The following ERC2 variants were observed in gnomAD, a reference collection of about 807,000 sequenced individuals.
ERC2 encodes ELKS/RAB6-interacting/CAST family member 2.
Under a neutral mutation model 114.8 loss-of-function variants are expected in ERC2, and 42 were observed. The ratio of observed to expected loss-of-function variants is 0.37; its 90% CI spans 0.29 to 0.47. The LOEUF (loss-of-function observed/expected upper bound fraction) is 0.47, where lower values mean the gene tolerates loss of function less well. Ranked by LOEUF, ERC2 falls within the 20% of genes least tolerant of loss-of-function variation. ERC2 has a pLI of 0.99. For missense variants in ERC2, 939 were observed against 1,150.7 expected, an observed-to-expected ratio of 0.82 and a Z score of 2.66; for synonymous variants, 454 against 425.5, an observed-to-expected ratio of 1.07 and a Z score of -0.82.
At chr3:56,380,605 AC>A (rs2059712226) in intron 2 of ERC2, among the ~76,000 whole-genome samples, 1 of 152,224 alleles carries the variant, frequency 6.6e-6, no homozygotes. Context: ...AAGCCTGAAT[AC>A]ATACTTATGG....
chr3:55,631,415 G>T (rs1026547082), intron 17 of ERC2, among the ~76,000 whole-genome samples: 5 of 152,160 alleles, frequency 3.3e-5, no homozygotes, highest in African/African-American at 1.2e-4. Context: ...CCAGGAGATT[G>T]CCCTTGGAGG....
At chr3:55,775,397 T>C (rs1382798655) in intron 14 of ERC2, among the ~76,000 whole-genome samples, 1 of 151,936 alleles carries the variant, frequency 6.6e-6, no homozygotes, top group Non-Finnish European at 1.5e-5. Context: ...CCTGGCGCGG[T>C]TGTGCATGCC....
chr3:56,066,623 T>G (rs2076495029), intron 7 of ERC2, among the ~76,000 whole-genome samples: 1 of 152,242 alleles, frequency 6.6e-6, no homozygotes, highest in African/African-American at 2.4e-5. Context: ...CATAAAATCT[T>G]TGTCCATGCC....
chr3:55,555,248 C>T (rs529977469), intron 17 of ERC2, among the ~76,000 whole-genome samples: 12 of 152,310 alleles, frequency 7.9e-5, no homozygotes, highest in South Asian at 6.2e-4. Flanking sequence ...GGGAAATTCT[C>T]GTTTAATTCA....
At chr3:55,959,763 G>A (rs1029425249) in intron 12 of ERC2, among the ~76,000 whole-genome samples, 1 of 152,186 alleles carries the variant, frequency 6.6e-6, no homozygotes, top group Non-Finnish European at 1.5e-5. Context: ...CCCTGGGATG[G>A]TTATTTTTCA....
At chr3:55,701,512 T>C (rs1039680614) in intron 15 of ERC2, among the ~76,000 whole-genome samples, 6 of 152,144 alleles carry the variant, frequency 3.9e-5, no homozygotes, top group Admixed American at 3.9e-4. Context: ...TTTTTAAAAA[T>C]GTGTACAATA....
chr3:55,991,999 G>A (rs2071097904), intron 11 of ERC2, 58 bp downstream of exon 11: 28 of 1,501,478 alleles, frequency 1.9e-5, no homozygotes, highest in Non-Finnish European at 2.6e-5. Context: ...CCGGAGATGG[G>A]CAACCACGCA....
intron 3 of ERC2, among the ~76,000 whole-genome samples, chr3:56,205,437 A>C (rs1560370315): frequency 6.6e-6 from 1 of 152,170 alleles, no homozygotes; most frequent in Non-Finnish European, 1.5e-5. Context: ...GACCCCAATT[A>C]CTCTAGCATC....
intron 16 of ERC2, 91 bp downstream of exon 16, chr3:55,699,287 G>T: frequency 6.7e-7 from 1 of 1,491,102 alleles, no homozygotes; most frequent in Non-Finnish European, 9.3e-7. Flanking sequence ...ATCACTTTAT[G>T]ATGTTTATTA....
intron 2 of ERC2, among the ~76,000 whole-genome samples, chr3:56,324,851 C>T (rs1020932428): frequency 1.3e-5 from 2 of 151,998 alleles, no homozygotes; most frequent in African/African-American, 4.8e-5. Flanking sequence ...GCTGTTCTTC[C>T]ATCATGCCAA....
intron 8 of ERC2, among the ~76,000 whole-genome samples, chr3:56,018,033 G>T (rs1192961552): frequency 6.6e-6 from 1 of 152,180 alleles, no homozygotes; most frequent in East Asian, 1.9e-4. Flanking sequence ...AATTAAGAAT[G>T]TGACATGAGC....
Position 56,435,015 on chromosome 3 carries a change from G to A in ERC2, c.-8C>T, listed in dbSNP as rs1417188553. ...TCTTGCACTTCCATACATTTTTCTT[G>A]TATTATGAGGTGTTACTGAAGAGAA... On this transcript the variant is annotated 5_prime_UTR_variant, in exon 2 of 18. Transcript: ENST00000288221. The A allele has an allele frequency of 1.8e-5, 29 of 1,594,700 alleles. No individual in the cohort carries two copies. The highest frequency in any genetic ancestry group is 2.4e-5 in the Non-Finnish European group (28 of 1,173,596).
chr3:56,315,302 G>GGGCC (rs2056811860), intron 2 of ERC2, among the ~76,000 whole-genome samples: 1 of 152,080 alleles, frequency 6.6e-6, no homozygotes. Context: ...AAGAATTAAG[G>GGGCC]GGCCACTTAG....
intron 14 of ERC2, among the ~76,000 whole-genome samples, chr3:55,788,914 C>T (rs2069742261): frequency 6.6e-6 from 1 of 152,148 alleles, no homozygotes; most frequent in African/African-American, 2.4e-5. Flanking sequence ...TAGAACATAA[C>T]CAGCACCCAA....
At chr3:55,781,869 C>G (rs2069084674) in intron 14 of ERC2, among the ~76,000 whole-genome samples, 1 of 143,214 alleles carries the variant, frequency 7.0e-6, no homozygotes. Context: ...CAAAACTCAG[C>G]CTCACAGAAA....
intron 15 of ERC2, among the ~76,000 whole-genome samples, chr3:55,706,390 T>C (rs1215997025): frequency 6.6e-6 from 1 of 152,042 alleles, no homozygotes; most frequent in Non-Finnish European, 1.5e-5. Flanking sequence ...TTTTTTGTTT[T>C]TGTTTTTGTT....
At chr3:55,595,902 G>A (rs2058102471) in intron 17 of ERC2, among the ~76,000 whole-genome samples, 1 of 152,178 alleles carries the variant, frequency 6.6e-6, no homozygotes, top group Admixed American at 6.5e-5. Context: ...CACACTCCAA[G>A]ATACAATCAT....
intron 13 of ERC2, among the ~76,000 whole-genome samples, chr3:55,934,332 T>TGCTA (rs924508638): frequency 1.3e-5 from 2 of 152,222 alleles, no homozygotes; most frequent in Non-Finnish European, 2.9e-5. Flanking sequence ...ATTTGGTCAA[T>TGCTA]GCTAGGTGTA....
rs2149724542 is a variant in ERC2 at position 56,069,082 on chromosome 3, C to T, written c.1641+11735G>A. Among the ~76,000 whole-genome samples the T allele has an allele frequency of 2.6e-5, 4 of 152,288 alleles. No individual in the cohort carries two copies. The East Asian group carries it at 5.8e-4, about 22-fold the overall frequency. On this transcript the variant is annotated intron_variant, in intron 7 of 17. Coordinates refer to ENST00000288221, the MANE Select transcript of ERC2 (RefSeq NM_015576.3). ...CTTGATCTAGAGCTGAGCTCAAGCC[C>T]TGCATATCCTTGTTAATTTTCTGTC...
Sources: allele counts gnomAD v4.1 joint callset (sites outside exome capture counted in the v4.1 genomes callset), GRCh38; gene constraint gnomAD v4.1.1; transcripts MANE v1.5; gene names NCBI Gene and HGNC (gene_info 2026-07-23, HGNC 2026-07-21).